SCN9A: variants seen among roughly 807,000 people sequenced by gnomAD.
The protein encoded by SCN9A is sodium channel protein type 9 subunit alpha.
In SCN9A, 131 loss-of-function variants were observed where a neutral mutation model predicts 187.0. That is an observed-to-expected ratio of 0.70 (90% CI 0.61 to 0.81). The LOEUF (loss-of-function observed/expected upper bound fraction) is 0.81. Ranked by LOEUF, SCN9A falls within the 30% of genes least tolerant of loss-of-function variation. The probability of loss-of-function intolerance (pLI) is 0.00; values close to 1 mark genes in which losing one functional copy is unlikely to be tolerated. For missense variants in SCN9A, 2,252 were observed against 2,396.6 expected (o/e 0.94, Z 1.26); for synonymous variants, 809 against 808.6 (o/e 1.00, Z -0.01).
chr2:166,370,774 C>T (rs1267938882), intron 1 of SCN9A, among the ~76,000 whole-genome samples: 2 of 149,516 alleles, frequency 1.3e-5, no homozygotes, highest in East Asian at 2.0e-4. Flanking sequence ...GCCTTACTGG[C>T]GTACATATCA....
At chr2:166,351,725 G>C (rs1401454473) in intron 1 of SCN9A, among the ~76,000 whole-genome samples, 1 of 152,124 alleles carries the variant, frequency 6.6e-6, no homozygotes, top group African/African-American at 2.4e-5. Context: ...CAAGTCTTTA[G>C]AGCCAAGTGC....
At chr2:166,298,796 T>A (rs1300898734) in intron 7 of SCN9A, 1 of 152,226 alleles carries the variant, frequency 6.6e-6, no homozygotes, top group East Asian at 1.9e-4. Context: ...AATGGCTGAA[T>A]GTTGGTGGAG....
chr2:166,293,242 G>C lies in SCN9A; in HGVS notation c.1096C>G (p.Leu366Val). 6.3e-7 allele frequency: 1 copy of C among 1,582,998 alleles called. No homozygotes were observed. Among genetic ancestry groups the C allele is most frequent in the Non-Finnish European group, 8.6e-7 (1 of 1,162,528 alleles). The change falls in exon 9 of 27, where the codon CTT becomes GTT. Residue 366 changes from leucine to valine, a missense_variant. Around this residue, in one of 7 missense-constraint regions of SCN9A, gnomAD observed 1,013 missense variants for 997.4 expected, o/e 1.02. Coordinates refer to ENST00000642356, the MANE Select transcript of SCN9A (RefSeq NM_001365536.1). ...RLMTQDYWENLYQQTLRAAGK... is the reference protein window; with the variant it reads ...RLMTQDYWENVYQQTLRAAGK... ...CTCTTGGTACTCACCTGTTGGTAAAGGTTTTCCCAGTAATCTTGGGTCATT... is the reference window on the plus strand; with the variant it reads ...CTCTTGGTACTCACCTGTTGGTAAACGTTTTCCCAGTAATCTTGGGTCATT...
At chr2:166,262,213 G>GA (rs1328658600) in intron 17 of SCN9A, among the ~76,000 whole-genome samples, 2 of 151,708 alleles carry the variant, frequency 1.3e-5, no homozygotes, top group African/African-American at 2.4e-5. Flanking sequence ...TAATTTGCAT[G>GA]AAAAAATAGA....
intron 19 of SCN9A, among the ~76,000 whole-genome samples, 165 bp from the exon 20 acceptor site, chr2:166,238,432 T>C (rs1695417399): frequency 1.3e-5 from 2 of 152,196 alleles, no homozygotes; most frequent in Non-Finnish European, 2.9e-5. Context: ...TAACAGTTAG[T>C]TCTAGCCTTC....
intron 1 of SCN9A, among the ~76,000 whole-genome samples, chr2:166,335,419 G>C (rs1381901715): frequency 1.3e-5 from 2 of 152,148 alleles, no homozygotes; most frequent in African/African-American, 4.8e-5. Flanking sequence ...AGCCACAGCT[G>C]ACATTATATA....
chr2:166,286,449 C>T lies in SCN9A; in HGVS notation c.1489G>A (p.Ala497Thr). ...KLSSGEEKGD[A>T]EKLSKSESED... ...GATTCTGATTTCGACAATTTCTCAGCATCTCCCTTTTCCTCTCCACTGGAG... is the reference window on the plus strand; with the variant it reads ...GATTCTGATTTCGACAATTTCTCAGTATCTCCCTTTTCCTCTCCACTGGAG... The change falls in exon 11 of 27, where the codon GCT becomes ACT. Residue 497 changes from alanine (A) to threonine (T), a missense_variant. Coordinates refer to ENST00000642356, the MANE Select transcript of SCN9A (RefSeq NM_001365536.1). 1 of 1,613,938 alleles carries T rather than the reference C, an allele frequency of 6.2e-7. No homozygotes were observed. Among genetic ancestry groups the T allele is most frequent in the South Asian group, 1.1e-5 (1 of 91,078 alleles).
At chr2:166,315,894 T>G (rs1427102284) in intron 1 of SCN9A, among the ~76,000 whole-genome samples, 1 of 152,222 alleles carries the variant, frequency 6.6e-6, no homozygotes, top group African/African-American at 2.4e-5. Context: ...AGTCAGGCAT[T>G]TAGTTTAAGA....
Position 166,197,428 on chromosome 2 carries a change from T to C in SCN9A, c.*1244A>G, listed in dbSNP as rs201140963. 6.6e-6 allele frequency: 1 copy of C among 152,136 alleles called. No individual in the cohort carries two copies. Among genetic ancestry groups the C allele is most frequent in the Non-Finnish European group, 1.5e-5 (1 of 67,988 alleles). 9.4% of individuals were successfully genotyped at this position (152,136 alleles called of 1,614,324 possible). A position where few individuals can be genotyped will look rare whatever the true frequency, so the allele number is the denominator to read the frequency against. ...AGAAGGTGACATCTTCCTCATTGTA[T>C]ACATTGAAGTATATCCAAAAAAGAT... On this transcript the variant is annotated 3_prime_UTR_variant, in exon 27 of 27. Transcript: ENST00000642356.
At chr2:166,318,839 T>C (rs1699172022) in intron 1 of SCN9A, among the ~76,000 whole-genome samples, 1 of 152,136 alleles carries the variant, frequency 6.6e-6, no homozygotes, top group African/African-American at 2.4e-5. Flanking sequence ...TTCTATATCT[T>C]AGATTTTTCT....
intron 17 of SCN9A, among the ~76,000 whole-genome samples, chr2:166,268,943 T>A (rs1453165347): frequency 6.6e-6 from 1 of 151,820 alleles, no homozygotes; most frequent in East Asian, 1.9e-4. Flanking sequence ...ACACTTTTTT[T>A]AAAATGGCTT....
At chr2:166,349,424 T>G (rs1277829404) in intron 1 of SCN9A, among the ~76,000 whole-genome samples, 1 of 152,248 alleles carries the variant, frequency 6.6e-6, no homozygotes, top group East Asian at 1.9e-4. Context: ...CTGTTGTATT[T>G]GTTATCATTT....
At chr2:166,271,094 C>A (rs1037700945) in intron 17 of SCN9A, among the ~76,000 whole-genome samples, 9 of 151,836 alleles carry the variant, frequency 5.9e-5, no homozygotes, top group Non-Finnish European at 2.9e-5. Context: ...TTAAAGAGTT[C>A]CTGTTCTCAA....
intron 1 of SCN9A, among the ~76,000 whole-genome samples, chr2:166,334,506 T>G (rs970756122): frequency 1.2e-4 from 19 of 152,134 alleles, no homozygotes; most frequent in Admixed American, 5.2e-4. Flanking sequence ...TTATGACTAC[T>G]AACTCAATCA....
chr2:166,213,381 A>C (rs999474938), intron 24 of SCN9A, among the ~76,000 whole-genome samples: 2 of 150,830 alleles, frequency 1.3e-5, no homozygotes, highest in Non-Finnish European at 3.0e-5. Flanking sequence ...CTTAGAAGGA[A>C]TAGGTAAATT....
intron 1 of SCN9A, among the ~76,000 whole-genome samples, chr2:166,322,755 A>T (rs1411822223): frequency 6.6e-6 from 1 of 152,138 alleles, no homozygotes; most frequent in East Asian, 1.9e-4. Flanking sequence ...TGAGCATGTA[A>T]TATTAAACAG....
At chr2:166,272,997 C>T in intron 16 of SCN9A, 122 bp from the exon 17 acceptor site, 1 of 468,252 alleles carries the variant, frequency 2.1e-6, no homozygotes. Flanking sequence ...AAGATTTCTG[C>T]ACCTTTTCAC....
rs758561614 is a variant in SCN9A at position 166,288,389 on chromosome 2, C to T, written c.1314+48G>A. ...TATACCGCAGAGCCTCTGTTGTAAC[C>T]GTTTGCATTTCTACCTCTAGGAAGA... is the stretch of plus-strand genomic sequence containing the variant. On this transcript the variant is annotated intron_variant, in intron 10 of 26. Transcript: ENST00000642356. 11 of 1,475,608 alleles carry T rather than the reference C, an allele frequency of 7.5e-6. No homozygotes were observed. In the East Asian group the frequency reaches 9.1e-5, roughly 12 times the overall value. 91.4% of individuals were successfully genotyped at this position (1,475,608 alleles called of 1,614,324 possible). A position where few individuals can be genotyped will look rare whatever the true frequency, so the allele number is the denominator to read the frequency against.
chr2:166,263,905 G>C (rs1388007434), intron 17 of SCN9A, among the ~76,000 whole-genome samples: 1 of 151,974 alleles, frequency 6.6e-6, no homozygotes, highest in African/African-American at 2.4e-5. Context: ...ATACTTACTA[G>C]AGCCTTTAGA....
Sources: gnomAD v4.1 joint callset for allele counts (sites outside exome capture counted in the v4.1 genomes callset) on GRCh38, gnomAD v4.1.1 for gene constraint, gnomAD v4.1.1 regional missense constraint, MANE v1.5 for transcripts, NCBI Gene and HGNC (gene_info 2026-07-23, HGNC 2026-07-21) for gene names.